The following LRMDA variants were observed in gnomAD, a reference collection of about 807,000 sequenced individuals.
The protein encoded by LRMDA is leucine-rich melanocyte differentiation-associated protein.
Under a neutral mutation model 29.8 loss-of-function variants are expected in LRMDA, and 18 were observed. The observed-to-expected ratio is 0.60, with a 90% CI of 0.42 to 0.90. The LOEUF is 0.90. Ranked by LOEUF, LRMDA falls within the 40% of genes least tolerant of loss-of-function variation. The pLI, the probability that LRMDA is intolerant of heterozygous loss-of-function variation, is 0.00. For synonymous variants in LRMDA, 125 were observed against 109.4 expected (o/e 1.14, Z -0.89); for missense variants, 273 against 273.9 (o/e 1.00, Z 0.02).
intron 5 of LRMDA, among the ~76,000 whole-genome samples, chr10:76,203,135 G>A (rs1388238388): frequency 6.6e-6 from 1 of 152,158 alleles, no homozygotes; most frequent in Non-Finnish European, 1.5e-5. Flanking sequence ...TGGAGACAGT[G>A]GGATCCATTA....
intron 2 of LRMDA, among the ~76,000 whole-genome samples, chr10:75,980,634 A>C (rs1847152220): frequency 6.6e-6 from 1 of 152,174 alleles, no homozygotes; most frequent in Admixed American, 6.5e-5. Context: ...GGGGACATTC[A>C]TCTTCCACTC....
chr10:76,493,589 T>C (rs950514813), intron 6 of LRMDA, among the ~76,000 whole-genome samples: 9 of 152,184 alleles, frequency 5.9e-5, no homozygotes, highest in Non-Finnish European at 1.2e-4. Flanking sequence ...TTTTCTTTCA[T>C]TAACCTATAT....
intron 5 of LRMDA, among the ~76,000 whole-genome samples, chr10:76,149,440 T>C (rs1194119715): frequency 1.3e-5 from 2 of 152,244 alleles, no homozygotes; most frequent in Admixed American, 6.5e-5. Context: ...TCATCTGTTA[T>C]TTAAGGGTGT....
intron 6 of LRMDA, among the ~76,000 whole-genome samples, chr10:76,544,240 A>G (rs1271003908): frequency 2.0e-5 from 3 of 152,150 alleles, no homozygotes; most frequent in Non-Finnish European, 4.4e-5. Flanking sequence ...AGCCAGATGT[A>G]TTCTATTAGG....
At chr10:76,520,204 A>G (rs1332355632) in intron 6 of LRMDA, among the ~76,000 whole-genome samples, 4 of 151,808 alleles carry the variant, frequency 2.6e-5, no homozygotes, top group Admixed American at 6.6e-5. Flanking sequence ...ATCATAGTAT[A>G]TATTATTTTG....
intron 2 of LRMDA, among the ~76,000 whole-genome samples, chr10:75,855,812 T>G (rs775559159): frequency 2.0e-5 from 3 of 152,246 alleles, no homozygotes; most frequent in Non-Finnish European, 4.4e-5. Flanking sequence ...CACCATTTAT[T>G]AAATATGGAA....
intron 6 of LRMDA, among the ~76,000 whole-genome samples, chr10:76,401,063 ATT>A (rs748976826): frequency 4.7e-4 from 72 of 152,218 alleles, no homozygotes; most frequent in Admixed American, 6.5e-4. Flanking sequence ...TGGATTTTGG[ATT>A]TTCAGCTTAG....
intron 2 of LRMDA, among the ~76,000 whole-genome samples, chr10:75,909,009 T>C (rs1845802092): frequency 6.6e-6 from 1 of 152,178 alleles, no homozygotes; most frequent in Admixed American, 6.5e-5. Context: ...CCTTAACTAG[T>C]AACTAACTCC....
At chr10:75,627,641 G>A (rs192619402) in intron 2 of LRMDA, among the ~76,000 whole-genome samples, 2 of 152,264 alleles carry the variant, frequency 1.3e-5, no homozygotes, top group African/African-American at 2.4e-5. Context: ...AAGCAAGAGT[G>A]GAGAGCACAG....
intron 5 of LRMDA, among the ~76,000 whole-genome samples, chr10:76,217,317 A>G (rs1851745941): frequency 6.6e-6 from 1 of 152,220 alleles, no homozygotes. Flanking sequence ...CATAGCAGCT[A>G]TACCTTCAGC....
At chr10:75,471,146 CA>C (rs1319547421) in intron 2 of LRMDA, among the ~76,000 whole-genome samples, 1 of 152,054 alleles carries the variant, frequency 6.6e-6, no homozygotes, top group Non-Finnish European at 1.5e-5. Flanking sequence ...GCCTTTTTAA[CA>C]ACCATATGTA....
At chr10:76,363,036 T>C (rs751987559) in intron 6 of LRMDA, among the ~76,000 whole-genome samples, 1 of 150,366 alleles carries the variant, frequency 6.7e-6, no homozygotes, top group African/African-American at 2.5e-5. Flanking sequence ...TACTCAATCA[T>C]TTTTGTTATT....
At chr10:76,124,695 G>A (rs1849849014) in intron 5 of LRMDA, among the ~76,000 whole-genome samples, 1 of 152,186 alleles carries the variant, frequency 6.6e-6, no homozygotes, top group South Asian at 2.1e-4. Flanking sequence ...AATGCCCTTA[G>A]CATTAACAAG....
chr10:76,090,481 TA>T (rs1849213185), intron 5 of LRMDA, among the ~76,000 whole-genome samples: 1 of 152,176 alleles, frequency 6.6e-6, no homozygotes, highest in Non-Finnish European at 1.5e-5. Flanking sequence ...TCAAAAAAAT[TA>T]AAAGTAGAAT....
chr10:75,982,420 A>G (rs904138415), intron 2 of LRMDA, among the ~76,000 whole-genome samples: 3 of 152,176 alleles, frequency 2.0e-5, no homozygotes, highest in Admixed American at 2.0e-4. Context: ...GGTTACTCAC[A>G]TTCTCTGGGT....
chr10:75,517,765 C>A (rs1431184130), intron 2 of LRMDA, among the ~76,000 whole-genome samples: 2 of 152,146 alleles, frequency 1.3e-5, no homozygotes, highest in Non-Finnish European at 2.9e-5. Flanking sequence ...GAGAGGGCAT[C>A]CTTGTCTTGT....
At chr10:75,965,421 A>C (rs117808847) in intron 2 of LRMDA, among the ~76,000 whole-genome samples, 1 of 152,204 alleles carries the variant, frequency 6.6e-6, no homozygotes. Context: ...AATTATGAGA[A>C]TGTATCTTTA....
intron 5 of LRMDA, among the ~76,000 whole-genome samples, chr10:76,317,406 C>T (rs998991744): frequency 1.3e-5 from 2 of 152,112 alleles, no homozygotes; most frequent in African/African-American, 4.8e-5. Flanking sequence ...TCTCCTCAAC[C>T]TCTGATAGGA....
chr10:76,548,839 A>C (rs935473584), intron 6 of LRMDA, among the ~76,000 whole-genome samples: 19 of 152,322 alleles, frequency 1.2e-4, no homozygotes, highest in Non-Finnish European at 1.6e-4. Context: ...CCTGCCAGAT[A>C]ATGTTTAATC....
Sources: gnomAD v4.1 joint callset for allele counts (sites outside exome capture counted in the v4.1 genomes callset) on GRCh38, gnomAD v4.1.1 for gene constraint, MANE v1.5 for transcripts, NCBI Gene and HGNC (gene_info 2026-07-23, HGNC 2026-07-21) for gene names.